LDB2: variants seen among roughly 807,000 people sequenced by gnomAD.
LDB2 encodes the protein LIM domain-binding protein 2.
In LDB2, 12 loss-of-function variants were observed where a neutral mutation model predicts 44.3. The ratio of observed to expected loss-of-function variants is 0.27; its 90% CI spans 0.17 to 0.44. The LOEUF (loss-of-function observed/expected upper bound fraction) is 0.44, where lower values mean the gene tolerates loss of function less well. Ranked by LOEUF, LDB2 falls within the 20% of genes least tolerant of loss-of-function variation. LDB2 has a pLI of 1.00. For synonymous variants in LDB2, 164 were observed against 174.8 expected (o/e 0.94, Z 0.49); for missense variants, 344 against 473.5 (o/e 0.73, Z 2.54).
At chr4:16,531,682 A>G (rs1335166405) in intron 5 of LDB2, among the ~76,000 whole-genome samples, 1 of 152,178 alleles carries the variant, frequency 6.6e-6, no homozygotes, top group Non-Finnish European at 1.5e-5. Flanking sequence ...TGGGTCCAAA[A>G]TAAATCATGG....
At chr4:16,634,189 G>T (rs2152499251) in intron 2 of LDB2, among the ~76,000 whole-genome samples, 2 of 151,564 alleles carry the variant, frequency 1.3e-5, no homozygotes, top group Non-Finnish European at 2.9e-5. Flanking sequence ...ATACCATTCA[G>T]GACATAGGCA....
Position 16,863,120 on chromosome 4 carries a change from T to C in LDB2, c.132+35234A>G, listed in dbSNP as rs192333792. Among the ~76,000 whole-genome samples, 16 of 152,342 alleles carry C rather than the reference T, an allele frequency of 1.1e-4. No homozygotes were observed. The East Asian group carries it at 1.5e-3, about 15-fold the overall frequency. Reference sequence around the variant, plus strand: ...TTAAGTGAACGAGTCCTTAAGAGTATTGATGTATTGACTAATGATTCCAAC... The same window carrying C: ...TTAAGTGAACGAGTCCTTAAGAGTACTGATGTATTGACTAATGATTCCAAC... On this transcript the variant is annotated intron_variant, in intron 1 of 7. Coordinates refer to ENST00000304523, the MANE Select transcript of LDB2 (RefSeq NM_001290.5).
intron 1 of LDB2, among the ~76,000 whole-genome samples, chr4:16,825,737 T>C (rs1406777499): frequency 6.6e-6 from 1 of 152,148 alleles, no homozygotes; most frequent in Non-Finnish European, 1.5e-5. Context: ...CTGGGAATTC[T>C]GGGCAATGGG....
chr4:16,762,011 T>C (rs967075790), intron 1 of LDB2, among the ~76,000 whole-genome samples: 1 of 151,736 alleles, frequency 6.6e-6, no homozygotes, highest in Non-Finnish European at 1.5e-5. Context: ...GAATAGAAAA[T>C]AGAAAACTAA....
chr4:16,528,779 AG>A (rs1270496714), intron 5 of LDB2, among the ~76,000 whole-genome samples: 1 of 152,212 alleles, frequency 6.6e-6, no homozygotes, highest in Admixed American at 6.5e-5. Context: ...GCCAATCGTA[AG>A]GGACGTGGGC....
chr4:16,787,350 C>T (rs1339245543), intron 1 of LDB2, among the ~76,000 whole-genome samples: 1 of 152,174 alleles, frequency 6.6e-6, no homozygotes, highest in African/African-American at 2.4e-5. Flanking sequence ...CGGTGGCTCA[C>T]TCCTGTAATC....
At chr4:16,739,455 G>A (rs1012749502) in intron 2 of LDB2, among the ~76,000 whole-genome samples, 1 of 148,636 alleles carries the variant, frequency 6.7e-6, no homozygotes, top group Non-Finnish European at 1.5e-5. Context: ...ATGTGCTGGT[G>A]CATGCCTGTA....
chr4:16,571,879 G>T (rs1746655008), intron 5 of LDB2, among the ~76,000 whole-genome samples: 1 of 152,174 alleles, frequency 6.6e-6, no homozygotes, highest in Non-Finnish European at 1.5e-5. Flanking sequence ...CAAGACCAGG[G>T]ACATTAGGTT....
At chr4:16,594,840 C>T (rs900264060) in intron 3 of LDB2, among the ~76,000 whole-genome samples, 70 of 152,252 alleles carry the variant, frequency 4.6e-4, no homozygotes, top group Middle Eastern at 3.4e-3. Flanking sequence ...AAATTAGTTT[C>T]ATGTTGAGTC....
At chr4:16,611,119 T>A (rs1180847038) in intron 2 of LDB2, among the ~76,000 whole-genome samples, 1 of 152,108 alleles carries the variant, frequency 6.6e-6, no homozygotes, top group African/African-American at 2.4e-5. Flanking sequence ...CAAACTAAAC[T>A]TCATAAGTGA....
intron 1 of LDB2, among the ~76,000 whole-genome samples, chr4:16,848,857 T>C (rs935951137): frequency 4.6e-5 from 7 of 152,008 alleles, no homozygotes; most frequent in South Asian, 2.1e-4. Context: ...ATGTCTCCTG[T>C]TGACCACTGA....
chr4:16,693,475 C>T (rs1273942466), intron 2 of LDB2, among the ~76,000 whole-genome samples: 1 of 152,024 alleles, frequency 6.6e-6, no homozygotes, highest in Non-Finnish European at 1.5e-5. Context: ...TCTGCCTCAG[C>T]CTCCCGAGTA....
In LDB2 at chr4:16,898,417, T is replaced by C; in HGVS notation, c.69A>G (p.Pro23=). The C allele has an allele frequency of 1.2e-6, 2 of 1,613,794 alleles. No individual in the cohort carries two copies. Among genetic ancestry groups the C allele is most frequent in the South Asian group, 1.1e-5 (1 of 91,070 alleles). Residue 23 remains proline, a synonymous_variant, in exon 1 of 8, where the codon CCA becomes CCG. Transcript: ENST00000304523. The stretch of plus-strand genomic sequence containing the variant: ...TTCGGTACTCTGGCTGTACCATGTA[T>C]GGTGTATGCCTCCTATAAAATGGGC... ...PFGPFYRRHT[P]YMVQPEYRIY... is the part of the protein sequence containing the mutation.
chr4:16,752,240 A>T (rs283027), intron 2 of LDB2, among the ~76,000 whole-genome samples: 3 of 152,054 alleles, frequency 2.0e-5, no homozygotes, highest in South Asian at 2.1e-4. Flanking sequence ...TCAGTGAACA[A>T]GATACAGAGC....
intron 1 of LDB2, among the ~76,000 whole-genome samples, chr4:16,802,305 C>T (rs533360659): frequency 2.0e-5 from 3 of 152,190 alleles, no homozygotes; most frequent in Non-Finnish European, 2.9e-5. Flanking sequence ...TTGTTGTTCA[C>T]CAGCTATTAT....
rs565429333 is a variant in LDB2 at position 16,549,780 on chromosome 4, G to A, written c.615+36142C>T. ...GCCATTAAGCTCAGATCAGAAGTAC[G>A]AATATAATAGACTCCCATGAACATA... On this transcript the variant is annotated intron_variant, in intron 5 of 7. Coordinates refer to ENST00000304523, the MANE Select transcript of LDB2 (RefSeq NM_001290.5). Among the ~76,000 whole-genome samples the A allele has an allele frequency of 4.6e-5, 7 of 152,282 alleles. No homozygotes were observed. The East Asian group carries it at 9.6e-4, about 21-fold the overall frequency.
chr4:16,744,146 GGTTTGTTT>G (rs143933539), intron 2 of LDB2, among the ~76,000 whole-genome samples: 1,527 of 151,844 alleles, frequency 0.01, 21 homozygotes, highest in African/African-American at 0.028. Context: ...AGACTCATGT[GGTTTGTTT>G]GTTTGTTTGT....
At chr4:16,887,809 T>G (rs1349371015) in intron 1 of LDB2, among the ~76,000 whole-genome samples, 1 of 152,086 alleles carries the variant, frequency 6.6e-6, no homozygotes, top group African/African-American at 2.4e-5. Context: ...ATAGGTGCCC[T>G]GGTCAGAGAA....
chr4:16,826,176 G>A (rs1783032322), intron 1 of LDB2, among the ~76,000 whole-genome samples: 1 of 152,116 alleles, frequency 6.6e-6, no homozygotes, highest in South Asian at 2.1e-4. Context: ...TCCAGAGATA[G>A]ATAGATTAGA....
Sources: gnomAD v4.1 joint callset for allele counts (sites outside exome capture counted in the v4.1 genomes callset) on GRCh38, gnomAD v4.1.1 for gene constraint, MANE v1.5 for transcripts, NCBI Gene and HGNC (gene_info 2026-07-23, HGNC 2026-07-21) for gene names.